Variants in GPC5 observed in about 807,000 individuals in gnomAD.
GPC5 encodes the protein glypican-5.
Under a neutral mutation model 53.9 loss-of-function variants are expected in GPC5, and 47 were observed. The ratio of observed to expected loss-of-function variants is 0.87; its 90% CI spans 0.69 to 1.11. The LOEUF is 1.11. GPC5 is among the 50% of genes most tolerant of loss of function. The pLI is 0.00. For synonymous variants in GPC5, 286 were observed against 263.3 expected, an observed-to-expected ratio of 1.09 and a Z score of -0.84; for missense variants, 748 against 713.1, an observed-to-expected ratio of 1.05 and a Z score of -0.56.
intron 7 of GPC5, among the ~76,000 whole-genome samples, chr13:92,236,563 A>C: frequency 6.6e-6 from 1 of 152,262 alleles, no homozygotes; most frequent in South Asian, 2.1e-4. Flanking sequence ...ATTATACTTT[A>C]AACAACTATT....
intron 5 of GPC5, among the ~76,000 whole-genome samples, chr13:91,772,976 A>G (rs2037651685): frequency 6.6e-6 from 1 of 152,138 alleles, no homozygotes; most frequent in African/African-American, 2.4e-5. Flanking sequence ...ACACATTTGT[A>G]TTGCAAGGAA....
chr13:92,163,274 C>CA (rs11413988), intron 7 of GPC5, among the ~76,000 whole-genome samples: 7,628 of 151,866 alleles, frequency 0.05, 455 homozygotes, highest in African/African-American at 0.14. Flanking sequence ...CTAGCCTGGC[C>CA]GCATGGTGAA....
chr13:91,940,294 T>C (rs1398994262), intron 6 of GPC5, among the ~76,000 whole-genome samples: 2 of 152,196 alleles, frequency 1.3e-5, no homozygotes, highest in Non-Finnish European at 2.9e-5. Flanking sequence ...AGCCTCAAGC[T>C]ACACCTCTTT....
intron 7 of GPC5, among the ~76,000 whole-genome samples, chr13:92,856,116 T>C (rs974657572): frequency 2.0e-5 from 3 of 151,870 alleles, no homozygotes; most frequent in African/African-American, 7.3e-5. Flanking sequence ...CTCAGCAAAA[T>C]AGCAAACTGG....
intron 7 of GPC5, among the ~76,000 whole-genome samples, chr13:92,527,160 GAAAGAAAGAAAGAGAAAGAAAGAAGA>G (rs1881336858): frequency 1.2e-4 from 13 of 107,924 alleles, no homozygotes; most frequent in African/African-American, 3.2e-4. Context: ...AAGAAAGAAA[GAAAGAAAGAAAGAGAAAGAAAGAAGA>G]AAGAAAGAAA....
intron 7 of GPC5, among the ~76,000 whole-genome samples, chr13:92,775,181 A>G (rs1442501127): frequency 6.6e-6 from 1 of 152,248 alleles, no homozygotes; most frequent in African/African-American, 2.4e-5. Flanking sequence ...CAAACAAAAC[A>G]GAGCTCTTTA....
intron 7 of GPC5, among the ~76,000 whole-genome samples, chr13:92,560,141 C>T (rs1165803221): frequency 2.6e-5 from 4 of 151,642 alleles, no homozygotes; most frequent in Non-Finnish European, 2.9e-5. Flanking sequence ...AAAATATAAA[C>T]AAATTGTGAT....
intron 6 of GPC5, among the ~76,000 whole-genome samples, chr13:92,038,336 G>A (rs1202034316): frequency 6.8e-6 from 1 of 148,090 alleles, no homozygotes; most frequent in African/African-American, 2.5e-5. Flanking sequence ...GAGTTTATGA[G>A]CATGATCTAT....
intron 7 of GPC5, among the ~76,000 whole-genome samples, chr13:92,586,018 C>T (rs987926060): frequency 9.9e-5 from 15 of 152,168 alleles, no homozygotes; most frequent in Admixed American, 4.6e-4. Context: ...CTGACTAATA[C>T]GCCTGGCTAG....
intron 7 of GPC5, among the ~76,000 whole-genome samples, chr13:92,843,477 A>G (rs531445703): frequency 6.6e-6 from 1 of 152,310 alleles, no homozygotes; most frequent in African/African-American, 2.4e-5. Context: ...ACATGGTTGA[A>G]TTTAAGACTA....
chr13:91,949,496 T>C (rs2040006497), intron 6 of GPC5, among the ~76,000 whole-genome samples: 1 of 152,132 alleles, frequency 6.6e-6, no homozygotes, highest in Non-Finnish European at 1.5e-5. Context: ...AGTTTTATGG[T>C]TCAGGAGATA....
chr13:91,453,798 T>C (rs1035542679), intron 2 of GPC5, among the ~76,000 whole-genome samples: 24 of 151,940 alleles, frequency 1.6e-4, no homozygotes, highest in African/African-American at 5.6e-4. Flanking sequence ...CCCTCCTCCT[T>C]CTTCCTTTCT....
chr13:91,621,761 T>TTATATATATATATATATATA (rs1555331079), intron 2 of GPC5, among the ~76,000 whole-genome samples: 1 of 46,866 alleles, frequency 2.1e-5, no homozygotes, highest in African/African-American at 5.6e-5. Context: ...GGACAGAACA[T>TTATATATATATATATATATA]TATATATATA....
intron 2 of GPC5, among the ~76,000 whole-genome samples, chr13:91,485,259 C>T (rs1883538681): frequency 6.7e-6 from 1 of 148,292 alleles, no homozygotes; most frequent in African/African-American, 2.5e-5. Context: ...GTCCCCCAGT[C>T]TGGAGTGCAA....
rs191503159 is a variant in GPC5, at chr13:92,832,078, G to T, written c.1562-34204G>T. ...GAGGCCAGGAAATGAATGACTTAAA[G>T]AATGTCACAAAGTAAGTTAGTAGCA... On this transcript the variant is annotated intron_variant, in intron 7 of 7. Coordinates refer to ENST00000377067, the MANE Select transcript of GPC5 (RefSeq NM_004466.6). Among the ~76,000 whole-genome samples, 82 of 152,142 alleles carry T rather than the reference G, an allele frequency of 5.4e-4. No homozygotes were observed. In the East Asian group the frequency reaches 0.013, roughly 24 times the overall value.
chr13:91,573,863 A>G (rs1004814897), intron 2 of GPC5, among the ~76,000 whole-genome samples: 1 of 152,142 alleles, frequency 6.6e-6, no homozygotes, highest in Non-Finnish European at 1.5e-5. Context: ...ATCCCTCTTC[A>G]AAGTTTTATC....
intron 7 of GPC5, among the ~76,000 whole-genome samples, chr13:92,164,529 C>T (rs2042013286): frequency 6.6e-6 from 1 of 152,224 alleles, no homozygotes; most frequent in Admixed American, 6.5e-5. Context: ...TTCCCATGGT[C>T]TTGGGCAGCT....
intron 7 of GPC5, among the ~76,000 whole-genome samples, chr13:92,568,864 G>C (rs1371788270): frequency 2.6e-5 from 4 of 152,072 alleles, no homozygotes; most frequent in Non-Finnish European, 5.9e-5. Context: ...GGTATGTACT[G>C]TCTCTGCTCT....
intron 7 of GPC5, among the ~76,000 whole-genome samples, chr13:92,585,761 G>A (rs1445801236): frequency 6.6e-6 from 1 of 152,140 alleles, no homozygotes; most frequent in Non-Finnish European, 1.5e-5. Flanking sequence ...GAATCATGGG[G>A]TCAGGTCTTT....
Sources: allele counts gnomAD v4.1 joint callset (sites outside exome capture counted in the v4.1 genomes callset), GRCh38; gene constraint gnomAD v4.1.1; transcripts MANE v1.5; gene names NCBI Gene and HGNC (gene_info 2026-07-23, HGNC 2026-07-21).